The following POLD3 variants were observed in gnomAD, a reference collection of about 807,000 sequenced individuals.
POLD3 encodes the protein DNA polymerase delta 3, accessory subunit.
A neutral mutation model predicts 58.2 loss-of-function variants in POLD3; 19 were observed. That is an observed-to-expected ratio of 0.33 (90% confidence interval 0.23 to 0.48). POLD3 has a LOEUF of 0.48. Among genes scored for constraint, POLD3 ranks in the 20% least tolerant of loss-of-function variants. The pLI is 0.99. For missense variants in POLD3, 504 were observed against 545.5 expected (o/e 0.92, Z 0.76); for synonymous variants, 172 against 193.5 (o/e 0.89, Z 0.92).
intron 3 of POLD3, among the ~76,000 whole-genome samples, chr11:74,605,309 G>T (rs1454435019): frequency 6.6e-6 from 1 of 152,102 alleles, no homozygotes; most frequent in Admixed American, 6.6e-5. Context: ...GTCCCACCTG[G>T]TATCTGGTCA....
At chr11:74,610,632 GT>G (rs150765015) in intron 3 of POLD3, among the ~76,000 whole-genome samples, 3 of 148,214 alleles carry the variant, frequency 2.0e-5, no homozygotes, top group African/African-American at 5.0e-5. Flanking sequence ...TTGTACTTAC[GT>G]TTTTTTTTCA....
intron 11 of POLD3, among the ~76,000 whole-genome samples, chr11:74,639,474 C>G (rs1169607218): frequency 6.6e-6 from 1 of 152,212 alleles, no homozygotes; most frequent in East Asian, 1.9e-4. Flanking sequence ...TTAGGTTACG[C>G]TTTTCAGCTA....
intron 5 of POLD3, among the ~76,000 whole-genome samples, chr11:74,614,493 G>A (rs1169898570): frequency 2.0e-5 from 3 of 152,160 alleles, no homozygotes; most frequent in Non-Finnish European, 2.9e-5. Flanking sequence ...GGTGGATCAC[G>A]AGGTCAGGAG....
chr11:74,649,695 G>A (rs1224179908), intron 4 of POLD3, among the ~76,000 whole-genome samples: 1 of 151,966 alleles, frequency 6.6e-6, no homozygotes, highest in Non-Finnish European at 1.5e-5. Flanking sequence ...CACTTTAGAA[G>A]CAGCAAAGCA....
exon 5 of POLD3, chr11:74,668,873 C>T (rs942344169): frequency 5.8e-6 from 6 of 1,031,094 alleles, no homozygotes; most frequent in African/African-American, 1.7e-5. Context: ...ATCTGAAGAT[C>T]TCAAGCCTCG....
chr11:74,606,701 A>G (rs1440149580), intron 3 of POLD3, among the ~76,000 whole-genome samples: 6 of 152,182 alleles, frequency 3.9e-5, no homozygotes, highest in African/African-American at 1.4e-4. Flanking sequence ...TTCAAAGTCT[A>G]GAGTTTTCTT....
intron 8 of POLD3, 62 bp from the exon 9 acceptor site, chr11:74,629,155 C>T (rs1020857338): frequency 3.2e-6 from 3 of 933,342 alleles, no homozygotes; most frequent in Admixed American, 4.6e-5. Flanking sequence ...CCCATAAGAG[C>T]ATGTGAATAC....
intron 9 of POLD3, among the ~76,000 whole-genome samples, 197 bp from the exon 10 acceptor site, chr11:74,634,386 C>A (rs2032684238): frequency 6.6e-6 from 1 of 152,102 alleles, no homozygotes; most frequent in Non-Finnish European, 1.5e-5. Context: ...ATTCTTGATT[C>A]TCTGATTTTA....
At chr11:74,613,325 A>G (rs182874860) in intron 5 of POLD3, among the ~76,000 whole-genome samples, 21 of 152,020 alleles carry the variant, frequency 1.4e-4, no homozygotes, top group Admixed American at 1.4e-3. Context: ...CCATCCTTCA[A>G]GAACCAGTTC....
At position 74,667,886 on chromosome 11, in the gene POLD3, A is replaced by G. The variant is rs377367376; in HGVS notation, c.370-891A>G. ...AACTCAATAGCGAAAGGACAACCCA[A>G]CTGAAAAATTGGCAAAGGGTCTGAA... On this transcript the variant is annotated intron_variant, in intron 4 of 4. Transcript: ENST00000524752. Among the ~76,000 whole-genome samples, 10 of 152,376 alleles carry G rather than the reference A, an allele frequency of 6.6e-5. No homozygotes were observed. In the South Asian group the frequency reaches 2.1e-3, roughly 32 times the overall value.
chr11:74,664,313 A>C (rs1399697994), intron 4 of POLD3, among the ~76,000 whole-genome samples: 2 of 152,176 alleles, frequency 1.3e-5, no homozygotes, highest in African/African-American at 4.8e-5. Flanking sequence ...CATCCATACA[A>C]AGATTTGTAC....
intron 7 of POLD3, 72 bp downstream of exon 7, chr11:74,620,161 A>T (rs1374882062): frequency 1.7e-6 from 2 of 1,174,372 alleles, no homozygotes; most frequent in East Asian, 4.7e-5. Flanking sequence ...CCTGAAGTGA[A>T]AGCCACTTTG....
chr11:74,666,205 A>C (rs574857947), intron 4 of POLD3, among the ~76,000 whole-genome samples: 12 of 152,376 alleles, frequency 7.9e-5, no homozygotes, highest in Admixed American at 6.5e-4. Context: ...TGCAAAGCTT[A>C]TATAAATTCT....
chr11:74,621,584 A>G (rs1001931966), intron 7 of POLD3, among the ~76,000 whole-genome samples: 10 of 152,024 alleles, frequency 6.6e-5, no homozygotes, highest in Non-Finnish European at 1.2e-4. Flanking sequence ...TATTTAAATC[A>G]TGTGTTTAGT....
In POLD3 at chr11:74,642,668, T is replaced by C; in HGVS notation, c.*1902T>C. ...ATTGAGTGGTGTTTTTTTTTTCTTT[T>C]TATACAATACCATGTTAACCACATG... On this transcript the variant is annotated 3_prime_UTR_variant, in exon 12 of 12. Coordinates refer to ENST00000263681, the MANE Select transcript of POLD3 (RefSeq NM_006591.3). 1 of 984,444 alleles carries C rather than the reference T, an allele frequency of 1.0e-6. No individual in the cohort carries two copies. Among genetic ancestry groups the C allele is most frequent in the Non-Finnish European group, 1.2e-6 (1 of 829,054 alleles). The allele number at this position is 984,444 out of a possible 1,614,324, so 61.0% of individuals were successfully genotyped here. A position where few individuals can be genotyped will look rare whatever the true frequency, so the allele number is the denominator to read the frequency against.
chr11:74,644,533 T>C (rs2032976573), downstream of POLD3, among the ~76,000 whole-genome samples: 1 of 152,204 alleles, frequency 6.6e-6, no homozygotes, highest in African/African-American at 2.4e-5. Flanking sequence ...CATGACACTT[T>C]TCTCCACTTG....
At chr11:74,654,927 A>G (rs981789271) in intron 4 of POLD3, among the ~76,000 whole-genome samples, 2 of 152,236 alleles carry the variant, frequency 1.3e-5, no homozygotes, top group East Asian at 1.9e-4. Context: ...AATGAGAGCC[A>G]TAGTGAGCTT....
At chr11:74,612,414 G>T (rs1305422117) in intron 4 of POLD3, among the ~76,000 whole-genome samples, 5 of 152,196 alleles carry the variant, frequency 3.3e-5, no homozygotes, top group African/African-American at 1.2e-4. Context: ...TATTCTTGTG[G>T]TGTTCTTTTG....
chr11:74,614,741 T>C (rs927740024), intron 5 of POLD3, among the ~76,000 whole-genome samples: 68 of 148,368 alleles, frequency 4.6e-4, no homozygotes, highest in African/African-American at 1.6e-3. Context: ...ATGGTAGTGG[T>C]TGGGGACAAG....
Sources: gnomAD v4.1 joint callset for allele counts (sites outside exome capture counted in the v4.1 genomes callset) on GRCh38, gnomAD v4.1.1 for gene constraint, MANE v1.5 for transcripts, NCBI Gene and HGNC (gene_info 2026-07-23, HGNC 2026-07-21) for gene names.